The following RBMS3 variants were observed in gnomAD, a reference collection of about 807,000 sequenced individuals.
The protein encoded by RBMS3 is RNA-binding motif, single-stranded-interacting protein 3.
A neutral mutation model predicts 66.8 loss-of-function variants in RBMS3; 27 were observed. The observed-to-expected ratio is 0.40, with a 90% CI of 0.30 to 0.56. The LOEUF (loss-of-function observed/expected upper bound fraction) is 0.56, where lower values mean the gene tolerates loss of function less well. Ranked by LOEUF, RBMS3 falls within the 20% of genes least tolerant of loss-of-function variation. The pLI, the probability that RBMS3 is intolerant of heterozygous loss-of-function variation, is 0.40. For synonymous variants in RBMS3, 188 were observed against 183.0 expected (o/e 1.03, Z -0.22); for missense variants, 513 against 549.5 (o/e 0.93, Z 0.66).
chr3:29,467,024 A>G (rs1054623667), intron 2 of RBMS3, among the ~76,000 whole-genome samples: 12 of 152,180 alleles, frequency 7.9e-5, no homozygotes, highest in Non-Finnish European at 1.6e-4. Context: ...GTTTGACCAA[A>G]GGCTATGGGG....
At chr3:29,974,027 G>T (rs188921239) in intron 12 of RBMS3, among the ~76,000 whole-genome samples, 3 of 151,982 alleles carry the variant, frequency 2.0e-5, no homozygotes, top group Admixed American at 1.3e-4. Context: ...AGTAAAACTT[G>T]GATCTCACTT....
rs2059424093 is a variant in RBMS3, at chr3:29,868,943, G to A, written c.723G>A (p.Arg241=). The A allele has an allele frequency of 1.3e-6, 2 of 1,599,466 alleles. No homozygotes were observed. The highest frequency in any genetic ancestry group is 8.5e-7 in the Non-Finnish European group (1 of 1,171,998). Reference sequence around the variant, plus strand: ...AAAGCAAATATACCCAGAATGGGAGGCCTTGGCCCAGGGAAGGAGAGGTGA... The same window carrying A: ...AAAGCAAATATACCCAGAATGGGAGACCTTGGCCCAGGGAAGGAGAGGTGA... ...QNQSKYTQNG[R]PWPREGEAGM... is the part of the protein sequence containing the mutation. The change falls in exon 7 of 15, where the codon AGG becomes AGA. Residue 241 remains arginine (R), a synonymous_variant. Transcript: ENST00000383767.
At chr3:29,582,919 C>A (rs2047382283) in intron 3 of RBMS3, among the ~76,000 whole-genome samples, 2 of 152,082 alleles carry the variant, frequency 1.3e-5, no homozygotes, top group East Asian at 1.9e-4. Flanking sequence ...ACATAAACTT[C>A]TATTGTAACT....
At chr3:29,855,906 G>A (rs1030351272) in intron 6 of RBMS3, among the ~76,000 whole-genome samples, 14 of 151,842 alleles carry the variant, frequency 9.2e-5, no homozygotes, top group African/African-American at 3.4e-4. Context: ...TATACTTGGG[G>A]GATACAAAGA....
At chr3:29,314,498 T>A (rs968239825) in intron 1 of RBMS3, among the ~76,000 whole-genome samples, 22 of 151,658 alleles carry the variant, frequency 1.5e-4, no homozygotes, top group African/African-American at 4.8e-4. Context: ...TCCATGACTG[T>A]GATACAGGCT....
intron 1 of RBMS3, among the ~76,000 whole-genome samples, chr3:29,305,149 T>A (rs1027441633): frequency 6.6e-6 from 1 of 151,862 alleles, no homozygotes; most frequent in African/African-American, 2.4e-5. Context: ...CCCAGCCCAA[T>A]CTTAACATAG....
chr3:29,930,980 A>T (rs2061106214), intron 10 of RBMS3, among the ~76,000 whole-genome samples: 1 of 152,134 alleles, frequency 6.6e-6, no homozygotes, highest in African/African-American at 2.4e-5. Flanking sequence ...TAGAAGTTTT[A>T]TTCTTTCATC....
At chr3:29,546,027 G>A (rs2045934577) in intron 3 of RBMS3, among the ~76,000 whole-genome samples, 1 of 151,436 alleles carries the variant, frequency 6.6e-6, no homozygotes, top group Non-Finnish European at 1.5e-5. Context: ...AGAATAAAAC[G>A]CTGACAAAAA....
intron 2 of RBMS3, among the ~76,000 whole-genome samples, chr3:29,445,243 A>G (rs1050881325): frequency 6.6e-6 from 1 of 152,050 alleles, no homozygotes; most frequent in East Asian, 1.9e-4. Flanking sequence ...CTTAGATGCT[A>G]CATCCAATGT....
At chr3:29,415,014 G>A (rs925163315) in intron 1 of RBMS3, among the ~76,000 whole-genome samples, 1 of 152,188 alleles carries the variant, frequency 6.6e-6, no homozygotes, top group African/African-American at 2.4e-5. Flanking sequence ...GGATATGGCT[G>A]ATAAATGCTG....
At chr3:29,962,066 TTATTATA>T (rs1056164303) in intron 12 of RBMS3, among the ~76,000 whole-genome samples, 2 of 144,414 alleles carry the variant, frequency 1.4e-5, no homozygotes, top group African/African-American at 5.2e-5. Context: ...ATATAATATA[TTATTATA>T]TATTGTATAT....
At chr3:29,936,248 T>C (rs1449287) in intron 11 of RBMS3, 52 bp downstream of exon 11, 1,348,371 of 1,495,362 alleles carry the variant, frequency 0.9, 609,991 homozygotes, top group East Asian at 0.96. Context: ...TCAGATGTGA[T>C]ATTCTCCATT....
intron 1 of RBMS3, among the ~76,000 whole-genome samples, chr3:29,312,061 A>G (rs2034410059): frequency 6.6e-6 from 1 of 151,764 alleles, no homozygotes; most frequent in African/African-American, 2.4e-5. Context: ...TGCATGGTAG[A>G]GAGGCCTAAC....
At chr3:29,773,933 C>T (rs2056324264) in intron 6 of RBMS3, among the ~76,000 whole-genome samples, 1 of 152,060 alleles carries the variant, frequency 6.6e-6, no homozygotes, top group South Asian at 2.1e-4. Flanking sequence ...GACTCCTTCA[C>T]TTCCTGGTCC....
chr3:29,450,931 A>AC (rs377592236), intron 2 of RBMS3, among the ~76,000 whole-genome samples: 1 of 59,610 alleles, frequency 1.7e-5, no homozygotes, highest in East Asian at 4.0e-4. Context: ...ACACACACAC[A>AC]CCCCCCACAC....
rs2040576462 is a variant in RBMS3 at position 29,418,649 on chromosome 3, A to T, written c.76-16094A>T. 3.3e-5 allele frequency among the ~76,000 whole-genome samples: 5 copies of T among 152,254 alleles called. No homozygotes were observed. In the South Asian group the frequency reaches 8.3e-4, roughly 25 times the overall value. On this transcript the variant is annotated intron_variant, in intron 1 of 14. Coordinates refer to ENST00000383767, the MANE Select transcript of RBMS3 (RefSeq NM_001003793.3). ...GAGCTCTGTCTCTGTGATGTAGTGTATACTTTGAGAATCTTTGCTTTCCTC... is the reference window on the plus strand; with the variant it reads ...GAGCTCTGTCTCTGTGATGTAGTGTTTACTTTGAGAATCTTTGCTTTCCTC...
intron 1 of RBMS3, among the ~76,000 whole-genome samples, chr3:29,341,431 C>G (rs532733954): frequency 2.6e-5 from 4 of 152,164 alleles, no homozygotes; most frequent in East Asian, 1.9e-4. Context: ...CGTGGTCTTT[C>G]CATACCACTC....
At chr3:29,357,579 G>A (rs1214401393) in intron 1 of RBMS3, among the ~76,000 whole-genome samples, 7 of 152,120 alleles carry the variant, frequency 4.6e-5, no homozygotes, top group African/African-American at 1.7e-4. Context: ...TGGGATGGCT[G>A]GGTCAAATGG....
At chr3:29,934,545 T>A (rs1577191854) in intron 10 of RBMS3, among the ~76,000 whole-genome samples, 1 of 152,252 alleles carries the variant, frequency 6.6e-6, no homozygotes, top group East Asian at 1.9e-4. Flanking sequence ...GAATTATAAT[T>A]AAGTAAAAGC....
Sources: gnomAD v4.1 joint callset for allele counts (sites outside exome capture counted in the v4.1 genomes callset) on GRCh38, gnomAD v4.1.1 for gene constraint, MANE v1.5 for transcripts, NCBI Gene and HGNC (gene_info 2026-07-23, HGNC 2026-07-21) for gene names.